The following KIAA0825 variants were observed in gnomAD, a reference collection of about 807,000 sequenced individuals.
KIAA0825 encodes the protein uncharacterized protein KIAA0825.
A neutral mutation model predicts 147.6 loss-of-function variants in KIAA0825; 119 were observed. The ratio of observed to expected loss-of-function variants is 0.81; its 90% CI spans 0.69 to 0.94. KIAA0825 has a LOEUF of 0.94. Ranked by LOEUF, KIAA0825 falls within the 40% of genes least tolerant of loss-of-function variation. The probability of loss-of-function intolerance (pLI) is 0.00; values close to 1 mark genes in which losing one functional copy is unlikely to be tolerated. For missense variants in KIAA0825, 1,381 were observed against 1,472.7 expected (o/e 0.94, Z 1.02); for synonymous variants, 470 against 518.1 (o/e 0.91, Z 1.26).
At chr5:94,576,294 C>T (rs1345679641) in intron 2 of KIAA0825, among the ~76,000 whole-genome samples, 3 of 152,144 alleles carry the variant, frequency 2.0e-5, no homozygotes, top group African/African-American at 7.2e-5. Context: ...CCCTCCAACA[C>T]TGATGTTGAA....
intron 20 of KIAA0825, among the ~76,000 whole-genome samples, chr5:94,188,952 A>C (rs1410591640): frequency 6.6e-6 from 1 of 152,146 alleles, no homozygotes; most frequent in Non-Finnish European, 1.5e-5. Context: ...CAGTCTTTTA[A>C]CTTTTAGCCA....
intron 20 of KIAA0825, among the ~76,000 whole-genome samples, chr5:94,165,961 A>G (rs1224077620): frequency 1.3e-5 from 2 of 152,210 alleles, no homozygotes; most frequent in African/African-American, 2.4e-5. Context: ...TATTGTGACT[A>G]TAGTTTATAA....
rs969876918 is a variant in KIAA0825, at chr5:94,512,431, C to T, written c.970+7817G>A. ...TTATAAACATTTTAATATGAAACAA[C>T]AGAACTAGGCATTCACATTAATTAT... On this transcript the variant is annotated intron_variant, in intron 5 of 20. Coordinates refer to ENST00000682413, the MANE Select transcript of KIAA0825 (RefSeq NM_001145678.3). Among the ~76,000 whole-genome samples, 5 of 151,926 alleles carry T rather than the reference C, an allele frequency of 3.3e-5. No homozygotes were observed. In the South Asian group the frequency reaches 8.3e-4, roughly 25 times the overall value.
At chr5:94,242,667 C>T (rs1171414467) in intron 20 of KIAA0825, among the ~76,000 whole-genome samples, 1 of 151,504 alleles carries the variant, frequency 6.6e-6, no homozygotes, top group African/African-American at 2.4e-5. Flanking sequence ...GCTCTGTTGC[C>T]CAGGCTGGAG....
At chr5:94,321,647 A>T (rs1447843297) in intron 20 of KIAA0825, among the ~76,000 whole-genome samples, 1 of 151,976 alleles carries the variant, frequency 6.6e-6, no homozygotes, top group Non-Finnish European at 1.5e-5. Context: ...CAGTTTTCAT[A>T]TGCAACAGAT....
intron 20 of KIAA0825, among the ~76,000 whole-genome samples, chr5:94,259,400 A>G (rs1365415164): frequency 1.3e-5 from 2 of 152,012 alleles, no homozygotes; most frequent in Admixed American, 1.3e-4. Flanking sequence ...CTTATTAGTA[A>G]GGTGAATTTT....
chr5:94,455,801 C>T lies in KIAA0825; in HGVS notation c.2247-2732G>A, dbSNP rs1220059263. ...AGAAGTACAGGGACAAGGCCATCTG[C>T]TAACAAACAGATGGGGCAAGATCAG... is the stretch of plus-strand genomic sequence containing the variant. On this transcript the variant is annotated intron_variant, in intron 12 of 20. Coordinates refer to ENST00000682413, the MANE Select transcript of KIAA0825 (RefSeq NM_001145678.3). 2.0e-5 allele frequency among the ~76,000 whole-genome samples: 3 copies of T among 151,968 alleles called. No homozygotes were observed. In the East Asian group the frequency reaches 5.8e-4, roughly 29 times the overall value.
intron 1 of KIAA0825, among the ~76,000 whole-genome samples, chr5:94,590,208 T>C (rs549788780): frequency 6.6e-6 from 1 of 152,270 alleles, no homozygotes; most frequent in South Asian, 2.1e-4. Context: ...TTGGCCAGGC[T>C]GGTCTCGAAC....
chr5:94,179,777 A>C (rs1769432050), intron 20 of KIAA0825, among the ~76,000 whole-genome samples: 1 of 152,130 alleles, frequency 6.6e-6, no homozygotes, highest in Admixed American at 6.6e-5. Context: ...CCAATTGCCA[A>C]AGTTGAACAA....
At chr5:94,603,885 AAT>A (rs1786989411) in intron 1 of KIAA0825, among the ~76,000 whole-genome samples, 1 of 152,232 alleles carries the variant, frequency 6.6e-6, no homozygotes, top group South Asian at 2.1e-4. Context: ...AAATACCCTG[AAT>A]ATATATGCAA....
chr5:94,312,057 T>C (rs751372825), intron 20 of KIAA0825, among the ~76,000 whole-genome samples: 1 of 151,618 alleles, frequency 6.6e-6, no homozygotes, highest in African/African-American at 2.4e-5. Context: ...ACGTTAAAAA[T>C]TCGCTCCAGG....
chr5:94,496,712 C>T (rs1764402523), intron 5 of KIAA0825, among the ~76,000 whole-genome samples: 1 of 152,176 alleles, frequency 6.6e-6, no homozygotes, highest in African/African-American at 2.4e-5. Context: ...TATTCTTTAT[C>T]TATGATGAAC....
chr5:94,251,464 A>T (rs1442025863), intron 20 of KIAA0825, among the ~76,000 whole-genome samples: 3 of 152,122 alleles, frequency 2.0e-5, no homozygotes, highest in African/African-American at 7.2e-5. Context: ...AAGGCCATGT[A>T]TGCAAAAGAC....
rs554194554 is a variant in KIAA0825, at chr5:94,237,386, G to A, written c.3711-83262C>T. ...ATCTGAGACTCTTGGGATGTCATAC[G>A]TTGCAAAGCAGGCAAAGGGGGAACA... On this transcript the variant is annotated intron_variant, in intron 20 of 20. Coordinates refer to ENST00000682413, the MANE Select transcript of KIAA0825 (RefSeq NM_001145678.3). Among the ~76,000 whole-genome samples, 295 of 152,226 alleles carry A rather than the reference G, an allele frequency of 1.9e-3. 1 individual carries two copies. Among genetic ancestry groups the A allele is most frequent in the Non-Finnish European group, 3.1e-3 (213 of 68,012 alleles).
At chr5:94,440,146 G>A (rs1461151367) in intron 13 of KIAA0825, 25 bp from the exon 14 acceptor site, 1 of 1,546,248 alleles carries the variant, frequency 6.5e-7, no homozygotes, top group Non-Finnish European at 8.7e-7. Flanking sequence ...GATAAAGATG[G>A]AGTAATGAAG....
At chr5:94,538,700 CAT>C (rs1331977863) in intron 2 of KIAA0825, among the ~76,000 whole-genome samples, 1 of 152,208 alleles carries the variant, frequency 6.6e-6, no homozygotes, top group Non-Finnish European at 1.5e-5. Context: ...TAGGTTGATA[CAT>C]ATTGGCAGCT....
intron 20 of KIAA0825, among the ~76,000 whole-genome samples, chr5:94,330,484 G>C (rs1005316553): frequency 5.9e-5 from 9 of 152,194 alleles, no homozygotes; most frequent in Admixed American, 1.3e-4. Context: ...CACAAAGGAA[G>C]TCTCAAGGGC....
chr5:94,534,177 T>C (rs1349763897), intron 3 of KIAA0825, among the ~76,000 whole-genome samples: 1 of 152,134 alleles, frequency 6.6e-6, no homozygotes, highest in Non-Finnish European at 1.5e-5. Flanking sequence ...GGGAGATAAA[T>C]AGAACTGTTA....
intron 20 of KIAA0825, among the ~76,000 whole-genome samples, chr5:94,187,341 G>T (rs948552976): frequency 6.8e-6 from 1 of 146,648 alleles, no homozygotes; most frequent in African/African-American, 2.5e-5. Context: ...GTGGAAGCAG[G>T]AGTTCATTGG....
Sources: gnomAD v4.1 joint callset for allele counts (sites outside exome capture counted in the v4.1 genomes callset) on GRCh38, gnomAD v4.1.1 for gene constraint, MANE v1.5 for transcripts, NCBI Gene and HGNC (gene_info 2026-07-23, HGNC 2026-07-21) for gene names.